Variants in MACROD2 observed in about 807,000 individuals in gnomAD.
The protein encoded by MACROD2 is ADP-ribose glycohydrolase MACROD2.
In MACROD2, 36 loss-of-function variants were observed where a neutral mutation model predicts 70.4. The observed-to-expected ratio is 0.51, with a 90% CI of 0.39 to 0.68. The LOEUF (loss-of-function observed/expected upper bound fraction) is 0.68, where lower values mean the gene tolerates loss of function less well. Among genes scored for constraint, MACROD2 ranks in the 30% least tolerant of loss-of-function variants. The pLI is 0.00. For synonymous variants in MACROD2, 172 were observed against 178.8 expected, an observed-to-expected ratio of 0.96 and a Z score of 0.30; for missense variants, 496 against 538.4, an observed-to-expected ratio of 0.92 and a Z score of 0.78.
intron 5 of MACROD2, among the ~76,000 whole-genome samples, chr20:14,717,721 A>G (rs1400990737): frequency 6.6e-6 from 1 of 152,070 alleles, no homozygotes; most frequent in Admixed American, 6.5e-5. Flanking sequence ...GAGGTAATAG[A>G]ACTGATCCTT....
At chr20:15,450,239 A>T (rs2046622634) in intron 7 of MACROD2, among the ~76,000 whole-genome samples, 1 of 151,950 alleles carries the variant, frequency 6.6e-6, no homozygotes, top group Admixed American at 6.6e-5. Flanking sequence ...ACTAAAGGAG[A>T]AATTTTATAT....
intron 6 of MACROD2, among the ~76,000 whole-genome samples, chr20:15,384,194 A>G (rs919248191): frequency 2.6e-5 from 4 of 152,106 alleles, no homozygotes; most frequent in African/African-American, 7.2e-5. Context: ...TTCAGGTAAC[A>G]CAGTTGGTGA....
intron 5 of MACROD2, among the ~76,000 whole-genome samples, chr20:14,787,200 T>G (rs531264660): frequency 6.6e-6 from 1 of 152,290 alleles, no homozygotes; most frequent in South Asian, 2.1e-4. Context: ...TTTTAAGTTT[T>G]AATAACTAAT....
intron 3 of MACROD2, among the ~76,000 whole-genome samples, chr20:14,275,779 T>A (rs1465112424): frequency 6.6e-6 from 1 of 151,638 alleles, no homozygotes; most frequent in Non-Finnish European, 1.5e-5. Flanking sequence ...TCAAACAAAT[T>A]TACAAGAAAA....
chr20:15,151,088 G>A (rs577747573), intron 5 of MACROD2, among the ~76,000 whole-genome samples: 1 of 152,220 alleles, frequency 6.6e-6, no homozygotes, highest in East Asian at 1.9e-4. Flanking sequence ...GGCAGTGTCA[G>A]TCTTCAGCTG....
At chr20:15,082,523 G>GTTTTTTTTTTTTTTTTTTT (rs753606217) in intron 5 of MACROD2, among the ~76,000 whole-genome samples, 1 of 101,746 alleles carries the variant, frequency 9.8e-6, no homozygotes, top group Admixed American at 1.1e-4. Flanking sequence ...ACTGCAAGAG[G>GTTTTTTTTTTTTTTTTTTT]TTTTTTTTTT....
At chr20:14,635,585 T>C (rs1181053540) in intron 4 of MACROD2, among the ~76,000 whole-genome samples, 1 of 152,244 alleles carries the variant, frequency 6.6e-6, no homozygotes, top group African/African-American at 2.4e-5. Context: ...TAATTTTTAC[T>C]TATTAATACA....
At chr20:14,178,022 A>C (rs373459777) in intron 3 of MACROD2, among the ~76,000 whole-genome samples, 3 of 152,322 alleles carry the variant, frequency 2.0e-5, no homozygotes. Context: ...AACATTAAAA[A>C]AATTTTATGC....
chr20:14,203,502 A>C (rs2081497653), intron 3 of MACROD2, among the ~76,000 whole-genome samples: 1 of 152,040 alleles, frequency 6.6e-6, no homozygotes, highest in African/African-American at 2.4e-5. Context: ...CATCTGATGT[A>C]ACATTTATTT....
chr20:15,464,521 T>C (rs567599877), intron 7 of MACROD2, among the ~76,000 whole-genome samples: 2 of 152,348 alleles, frequency 1.3e-5, no homozygotes, highest in East Asian at 3.9e-4. Flanking sequence ...CTCACTGGTT[T>C]TTGAAATATC....
rs1044795476 is a variant in MACROD2 at position 16,052,693 on chromosome 20, T to C, written c.*2817T>C. ...ATCACTGCAGCTAATTGTAAATCTT[T>C]CTATGAAACACTGAAAAGCCTCTTT... On this transcript the variant is annotated 3_prime_UTR_variant, in exon 18 of 18. Coordinates refer to ENST00000684519, the MANE Select transcript of MACROD2 (RefSeq NM_001351661.2). 6.5e-6 allele frequency: 1 copy of C among 152,672 alleles called. No individual in the cohort carries two copies. The highest frequency in any genetic ancestry group is 1.5e-5 in the Non-Finnish European group (1 of 68,046). 9.5% of individuals were successfully genotyped at this position (152,672 alleles called of 1,614,324 possible).
chr20:16,044,628 A>G lies in MACROD2; in HGVS notation c.1289A>G (p.Asp430Gly), dbSNP rs2067354850. The G allele has an allele frequency of 6.2e-7, 1 of 1,612,602 alleles. No individual in the cohort carries two copies. The highest frequency in any genetic ancestry group is 8.5e-7 in the Non-Finnish European group (1 of 1,179,008). ...GACCCAACAGAGAGTCAACAAGAAG[A>G]TCAACTAATAGGTAAGATGCCCCTT... ...VNDPTESQQEDQLIAGAQDEA... is the reference protein window; with the variant it reads ...VNDPTESQQEGQLIAGAQDEA... Residue 430 changes from aspartate (D) to glycine (G), a missense_variant, in exon 17 of 18, where the codon GAT (aspartate) becomes GGT (glycine). Coordinates refer to ENST00000684519, the MANE Select transcript of MACROD2 (RefSeq NM_001351661.2).
intron 5 of MACROD2, among the ~76,000 whole-genome samples, chr20:15,202,509 A>G (rs1176099337): frequency 2.6e-5 from 4 of 152,106 alleles, no homozygotes; most frequent in Non-Finnish European, 4.4e-5. Context: ...ACACATTAAT[A>G]TTTCTTTTCT....
chr20:15,589,715 C>A (rs1157999364), intron 8 of MACROD2, among the ~76,000 whole-genome samples: 2 of 152,210 alleles, frequency 1.3e-5, no homozygotes, highest in Non-Finnish European at 2.9e-5. Context: ...AACCACTGAT[C>A]TTTTTGCCAT....
At chr20:14,160,699 G>A (rs2148717201) in intron 3 of MACROD2, among the ~76,000 whole-genome samples, 1 of 151,594 alleles carries the variant, frequency 6.6e-6, no homozygotes, top group East Asian at 1.9e-4. Flanking sequence ...TCTTTTATAT[G>A]TTTTTTAGTT....
chr20:14,223,490 G>A (rs1431754436), intron 3 of MACROD2, among the ~76,000 whole-genome samples: 1 of 148,972 alleles, frequency 6.7e-6, no homozygotes, highest in Non-Finnish European at 1.5e-5. Flanking sequence ...AAATAGGGAA[G>A]CAGCTCCTCT....
chr20:15,239,476 CTG>C (rs1202460282), intron 6 of MACROD2, among the ~76,000 whole-genome samples: 1 of 152,050 alleles, frequency 6.6e-6, no homozygotes, highest in Non-Finnish European at 1.5e-5. Flanking sequence ...CCCTTCAAAA[CTG>C]TGCAAAGTGA....
At chr20:14,958,917 A>G (rs1293447888) in intron 5 of MACROD2, among the ~76,000 whole-genome samples, 1 of 152,158 alleles carries the variant, frequency 6.6e-6, no homozygotes, top group Non-Finnish European at 1.5e-5. Flanking sequence ...TCTGGGGACC[A>G]TACCTAAGAA....
intron 5 of MACROD2, among the ~76,000 whole-genome samples, chr20:15,110,802 G>A (rs1174928435): frequency 1.3e-5 from 2 of 152,128 alleles, no homozygotes. Flanking sequence ...TTGGGTTTGA[G>A]TGACAAATGC....
Sources: allele counts gnomAD v4.1 joint callset (sites outside exome capture counted in the v4.1 genomes callset), GRCh38; gene constraint gnomAD v4.1.1; transcripts MANE v1.5; gene names NCBI Gene and HGNC (gene_info 2026-07-23, HGNC 2026-07-21).